ALMS1: variants seen among roughly 807,000 people sequenced by gnomAD.
ALMS1 encodes centrosome-associated protein ALMS1.
Under a neutral mutation model 352.2 loss-of-function variants are expected in ALMS1, and 271 were observed. The observed-to-expected ratio is 0.77, with a 90% CI of 0.70 to 0.85. The LOEUF (loss-of-function observed/expected upper bound fraction) is 0.85. ALMS1 is among the 40% of genes least tolerant of loss of function. The pLI is 0.00. For missense variants in ALMS1, 5,445 were observed against 4,870.7 expected (o/e 1.12, Z -3.51); for synonymous variants, 1,865 against 1,761.2 (o/e 1.06, Z -1.48).
At chr2:73,602,125 G>A in intron 19 of ALMS1, 60 bp from the exon 20 acceptor site, 1 of 1,532,004 alleles carries the variant, frequency 6.5e-7, no homozygotes, top group Non-Finnish European at 8.9e-7. Flanking sequence ...CCAGGCATAT[G>A]GAGAGTAGAT....
rs941948326 is a variant in ALMS1, at chr2:73,408,548, A to G, written c.325-74A>G. 11 of 1,505,294 alleles carry G rather than the reference A, an allele frequency of 7.3e-6. No individual in the cohort carries two copies. The African/African-American group carries it at 1.4e-4, about 19-fold the overall frequency. The allele number at this position is 1,505,294 out of a possible 1,614,324, so 93.2% of individuals were successfully genotyped here. ...TTATAAACTGGGAAGTATGGTCTAA[A>G]TATTAGTTTATTTTTGTTGTATAAT... On this transcript the variant is annotated intron_variant, in intron 1 of 22. Transcript: ENST00000613296.
Position 73,450,273 on chromosome 2 carries a change from A to G in ALMS1, c.3746A>G (p.Tyr1249Cys). ...YSHTEKPGIF[Y>C]QQVLPDNHPT... is the part of the protein sequence containing the mutation. Reference sequence around the variant, plus strand: ...CACACAGAGAAGCCTGGTATTTTCTACCAACAGGTCTTGCCAGATAATCAT... The same window carrying G: ...CACACAGAGAAGCCTGGTATTTTCTGCCAACAGGTCTTGCCAGATAATCAT... The change falls in exon 8 of 23, where the codon TAC (tyrosine) becomes TGC (cysteine). Residue 1249 changes from tyrosine to cysteine, a missense_variant. Physicochemically the swap from Tyr to Cys is radical, Grantham distance 194. Transcript: ENST00000613296. The G allele has an allele frequency of 6.2e-7, 1 of 1,614,060 alleles. No individual in the cohort carries two copies. The highest frequency in any genetic ancestry group is 8.5e-7 in the Non-Finnish European group (1 of 1,179,980).
At chr2:73,418,173 A>C (rs1288755811) in intron 2 of ALMS1, among the ~76,000 whole-genome samples, 1 of 152,190 alleles carries the variant, frequency 6.6e-6, no homozygotes, top group African/African-American at 2.4e-5. Context: ...ATTTTAGTAA[A>C]GTGTCAGTAT....
At chr2:73,509,135 T>C (rs776041633) in intron 10 of ALMS1, among the ~76,000 whole-genome samples, 5 of 152,182 alleles carry the variant, frequency 3.3e-5, no homozygotes, top group Non-Finnish European at 7.3e-5. Flanking sequence ...TTTGAGCCTA[T>C]GTGTGTCTTT....
At chr2:73,432,041 T>A (rs1303187497) in intron 6 of ALMS1, among the ~76,000 whole-genome samples, 157 bp from the exon 7 acceptor site, 1 of 152,206 alleles carries the variant, frequency 6.6e-6, no homozygotes, top group Non-Finnish European at 1.5e-5. Context: ...TAGTATAACT[T>A]CTTAGTGTTC....
chr2:73,584,297 A>C (rs757355856), intron 16 of ALMS1, among the ~76,000 whole-genome samples: 28 of 152,206 alleles, frequency 1.8e-4, no homozygotes, highest in Non-Finnish European at 3.4e-4. Flanking sequence ...TTCTGTTTCA[A>C]GAATTAGAAC....
chr2:73,591,865 C>T (rs1241271829), intron 16 of ALMS1, among the ~76,000 whole-genome samples: 2 of 152,198 alleles, frequency 1.3e-5, no homozygotes, highest in African/African-American at 4.8e-5. Context: ...CTCTATCACC[C>T]TCTACAAAAT....
intron 16 of ALMS1, among the ~76,000 whole-genome samples, chr2:73,587,116 A>C (rs1675330376): frequency 6.6e-6 from 1 of 152,150 alleles, no homozygotes; most frequent in Non-Finnish European, 1.5e-5. Context: ...TGATTTGTGT[A>C]CATTGATTTT....
At chr2:73,461,332 C>A (rs1006888429) in intron 9 of ALMS1, among the ~76,000 whole-genome samples, 3 of 152,200 alleles carry the variant, frequency 2.0e-5, no homozygotes, top group Non-Finnish European at 4.4e-5. Flanking sequence ...GCTGCTGATA[C>A]CCAGGCAAAC....
chr2:73,533,416 C>CT (rs1054201849), intron 11 of ALMS1, among the ~76,000 whole-genome samples: 10 of 152,328 alleles, frequency 6.6e-5, no homozygotes, highest in African/African-American at 2.4e-4. Context: ...CTGTGGCATC[C>CT]TTCCATCTCT....
Position 73,450,220 on chromosome 2 carries a change from A to C in ALMS1, c.3693A>C (p.Thr1231=). The change falls in exon 8 of 23, where the codon ACA becomes ACC. Residue 1231 remains threonine (T), a synonymous_variant. Transcript: ENST00000613296. ...VLGPADQKTG[T]PTPTSASYSH... ...GACCAGCTGACCAGAAGACTGGGAC[A>C]CCAACTCCAACCTCTGCTTCTTACT... is the stretch of plus-strand genomic sequence containing the variant. The C allele has an allele frequency of 6.2e-7, 1 of 1,614,078 alleles. No individual in the cohort carries two copies. The highest frequency in any genetic ancestry group is 8.5e-7 in the Non-Finnish European group (1 of 1,179,982).
chr2:73,605,603 CT>C (rs1199843422), intron 21 of ALMS1, among the ~76,000 whole-genome samples: 2 of 152,218 alleles, frequency 1.3e-5, no homozygotes, highest in Non-Finnish European at 2.9e-5. Flanking sequence ...AATCCCAACA[CT>C]TTGGGAGTCC....
At chr2:73,537,026 G>A (rs1674043649) in intron 12 of ALMS1, among the ~76,000 whole-genome samples, 1 of 152,078 alleles carries the variant, frequency 6.6e-6, no homozygotes, top group Non-Finnish European at 1.5e-5. Flanking sequence ...CCTTCCCAAA[G>A]AATTGTTAAT....
At chr2:73,389,524 C>T (rs577919427) in intron 1 of ALMS1, among the ~76,000 whole-genome samples, 1 of 151,874 alleles carries the variant, frequency 6.6e-6, no homozygotes, top group East Asian at 1.9e-4. Context: ...CCTAAGTATT[C>T]TTTAGGATTA....
In ALMS1 at chr2:73,542,853, T is replaced by G. The variant is rs576422167; in HGVS notation, c.9908-7414T>G. Among the ~76,000 whole-genome samples the G allele has an allele frequency of 3.1e-4, 47 of 151,798 alleles. 2 individuals are homozygous for G. Among genetic ancestry groups the G allele is most frequent in the African/African-American group, 8.2e-4 (34 of 41,346 alleles). ...AGGAGAACTACAAACCACTACTCAA[T>G]GAAATAAAAGAGGATACAAACAAAT... On this transcript the variant is annotated intron_variant, in intron 12 of 22. Transcript: ENST00000613296.
At chr2:73,479,973 A>T (rs1302611881) in intron 9 of ALMS1, among the ~76,000 whole-genome samples, 2 of 151,942 alleles carry the variant, frequency 1.3e-5, no homozygotes. Context: ...ATGGTTTTTG[A>T]TGTTGCACAT....
intron 9 of ALMS1, among the ~76,000 whole-genome samples, chr2:73,484,098 G>A (rs1572963624): frequency 6.6e-6 from 1 of 151,828 alleles, no homozygotes; most frequent in African/African-American, 2.4e-5. Flanking sequence ...TGTTATGTGT[G>A]AATTTGATCC....
intron 1 of ALMS1, 31 bp downstream of exon 1, chr2:73,386,223 G>A (rs747490719): frequency 6.7e-7 from 1 of 1,486,226 alleles, no homozygotes; most frequent in Non-Finnish European, 9.0e-7. Context: ...GTGTGGAGCC[G>A]CGGCGAGTTG....
Position 73,449,345 on chromosome 2 carries a change from T to C in ALMS1, c.2818T>C (p.Leu940=), listed in dbSNP as rs1354122111. 4 of 1,613,682 alleles carry C rather than the reference T, an allele frequency of 2.5e-6. No individual in the cohort carries two copies. Among genetic ancestry groups the C allele is most frequent in the African/African-American group, 2.7e-5 (2 of 74,880 alleles). The change falls in exon 8 of 23, where the codon TTG becomes CTG. Residue 940 remains leucine (L), a synonymous_variant. Transcript: ENST00000613296. ...TCTGAAGGTTTCAGCTGTTTCTGTA[T>C]TGGCTGCCCAGAAGACTGGGACACC... The part of the protein sequence containing the change: ...EALKVSAVSV[L]AAQKTGTPTV...
Sources: gnomAD v4.1 joint callset for allele counts (sites outside exome capture counted in the v4.1 genomes callset) on GRCh38, gnomAD v4.1.1 for gene constraint, MANE v1.5 for transcripts, NCBI Gene and HGNC (gene_info 2026-07-23, HGNC 2026-07-21) for gene names.